Variants in FNBP1 observed in about 807,000 individuals in gnomAD.
FNBP1 encodes formin-binding protein 1.
FNBP1 carries 26 observed loss-of-function variants against 90.6 expected under a neutral mutation model. That is an observed-to-expected ratio of 0.29 (90% CI 0.21 to 0.40). The LOEUF is 0.40. Ranked by LOEUF, FNBP1 falls within the 10% of genes least tolerant of loss-of-function variation. The probability of loss-of-function intolerance (pLI) is 1.00; values close to 1 mark genes in which losing one functional copy is unlikely to be tolerated. For synonymous variants in FNBP1, 260 were observed against 265.2 expected (o/e 0.98, Z 0.19); for missense variants, 635 against 768.0 (o/e 0.83, Z 2.05).
chr9:129,953,129 C>T (rs1304229737), intron 6 of FNBP1, among the ~76,000 whole-genome samples: 1 of 152,122 alleles, frequency 6.6e-6, no homozygotes. Flanking sequence ...GGGTATAAAA[C>T]GAATCTCAAC....
intron 16 of FNBP1, chr9:129,895,269 C>T: frequency 9.4e-7 from 1 of 1,058,464 alleles, no homozygotes; most frequent in Non-Finnish European, 1.1e-6. Context: ...ACTTTTGGTG[C>T]CAATATAAGA....
intron 1 of FNBP1, among the ~76,000 whole-genome samples, chr9:130,020,049 C>G (rs1160234624): frequency 6.6e-6 from 1 of 152,166 alleles, no homozygotes; most frequent in Non-Finnish European, 1.5e-5. Flanking sequence ...AATGTGAATA[C>G]TAAGAAGGAA....
At chr9:130,020,663 T>TA (rs1214904282) in intron 1 of FNBP1, among the ~76,000 whole-genome samples, 1 of 152,162 alleles carries the variant, frequency 6.6e-6, no homozygotes. Flanking sequence ...CAACAAAAGT[T>TA]ACCAATAGAA....
At chr9:130,015,731 T>A (rs561187932) in intron 1 of FNBP1, among the ~76,000 whole-genome samples, 1 of 152,206 alleles carries the variant, frequency 6.6e-6, no homozygotes, top group Non-Finnish European at 1.5e-5. Context: ...CTGGAATGCA[T>A]TGGCACAATT....
At chr9:130,016,969 A>T (rs892821596) in intron 1 of FNBP1, among the ~76,000 whole-genome samples, 11 of 152,134 alleles carry the variant, frequency 7.2e-5, no homozygotes, top group African/African-American at 2.7e-4. Flanking sequence ...CATTTGGCAG[A>T]GCAGGGTGGC....
intron 11 of FNBP1, among the ~76,000 whole-genome samples, chr9:129,910,504 A>AAAAAAAAAAAAG (rs1298095363): frequency 9.6e-5 from 10 of 104,106 alleles, no homozygotes; most frequent in Non-Finnish European, 1.6e-4. Flanking sequence ...AAAAAAAAAA[A>AAAAAAAAAAAAG]AGAGAGAGAG....
intron 4 of FNBP1, among the ~76,000 whole-genome samples, chr9:129,977,614 C>A (rs114886862): frequency 0.025 from 3,803 of 151,912 alleles, 169 homozygotes; most frequent in African/African-American, 0.086. Flanking sequence ...GCTTCAGACC[C>A]CCAAGTAGCT....
intron 4 of FNBP1, among the ~76,000 whole-genome samples, chr9:129,975,844 G>A (rs895342822): frequency 6.7e-6 from 1 of 148,686 alleles, no homozygotes; most frequent in Non-Finnish European, 1.5e-5. Flanking sequence ...TGGAGGTTGT[G>A]GTTAGGCGAG....
chr9:129,996,242 G>A (rs554922955), intron 1 of FNBP1, among the ~76,000 whole-genome samples: 9 of 152,288 alleles, frequency 5.9e-5, no homozygotes, highest in African/African-American at 2.2e-4. Flanking sequence ...GTGAGTAGGT[G>A]GATCTCAAGC....
At chr9:129,976,763 T>C (rs1193784643) in intron 4 of FNBP1, among the ~76,000 whole-genome samples, 3 of 152,216 alleles carry the variant, frequency 2.0e-5, no homozygotes, top group Non-Finnish European at 4.4e-5. Context: ...TTGTGGCAAC[T>C]ACCATAATTG....
chr9:129,989,230 G>A (rs1016406550), intron 2 of FNBP1, among the ~76,000 whole-genome samples: 12 of 152,110 alleles, frequency 7.9e-5, no homozygotes, highest in Admixed American at 2.6e-4. Context: ...TTAAATGCTC[G>A]AATTCTTTGC....
intron 2 of FNBP1, among the ~76,000 whole-genome samples, chr9:129,992,622 T>C (rs1441254466): frequency 6.7e-6 from 1 of 148,942 alleles, no homozygotes; most frequent in African/African-American, 2.5e-5. Flanking sequence ...GGCGCGATCT[T>C]GGCTCATTGC....
chr9:129,967,674 G>A (rs910613182), intron 4 of FNBP1, among the ~76,000 whole-genome samples: 6 of 152,196 alleles, frequency 3.9e-5, no homozygotes, highest in East Asian at 1.9e-4. Context: ...ACAGGTGGCC[G>A]AACAAGAATC....
At chr9:129,905,555 C>A (rs558420010) in intron 12 of FNBP1, among the ~76,000 whole-genome samples, 2 of 152,162 alleles carry the variant, frequency 1.3e-5, no homozygotes, top group South Asian at 2.1e-4. Flanking sequence ...GATGATCCAC[C>A]CACCTCAGTC....
At chr9:129,954,862 G>C (rs2046678113) in intron 6 of FNBP1, among the ~76,000 whole-genome samples, 1 of 152,010 alleles carries the variant, frequency 6.6e-6, no homozygotes, top group Admixed American at 6.6e-5. Context: ...GCTGGGCGTG[G>C]TGACGCCTGT....
chr9:129,923,197 G>GT (rs988999801), intron 10 of FNBP1, among the ~76,000 whole-genome samples: 3 of 151,556 alleles, frequency 2.0e-5, no homozygotes, highest in African/African-American at 4.9e-5. Flanking sequence ...AATCTAAGTG[G>GT]TTTTTTTTGG....
intron 11 of FNBP1, among the ~76,000 whole-genome samples, chr9:129,914,545 A>AAGTTCATACTGCAGATGAACTTGT (rs1358204220): frequency 1.1e-4 from 16 of 151,966 alleles, no homozygotes; most frequent in Admixed American, 1.0e-3. Context: ...AGTTTCTCCC[A>AAGTTCATACTGCAGATGAACTTGT]AGTTCATACT....
rs1005484379 is a variant in FNBP1 at position 129,972,368 on chromosome 9, A to G, written c.345+6097T>C. Among the ~76,000 whole-genome samples the G allele has an allele frequency of 3.3e-5, 5 of 152,136 alleles. No individual in the cohort carries two copies. In the South Asian group the frequency reaches 6.2e-4, roughly 19 times the overall value. On this transcript the variant is annotated intron_variant, in intron 4 of 16. Coordinates refer to ENST00000446176, the MANE Select transcript of FNBP1 (RefSeq NM_015033.3). ...AGGCTGGTTTCGAACTCCTGGTCTC[A>G]AGTGATCCACTCGCCTCGGCCTCCC... is the stretch of plus-strand genomic sequence containing the variant.
intron 15 of FNBP1, among the ~76,000 whole-genome samples, chr9:129,898,024 TTCA>T (rs1361949974): frequency 6.6e-6 from 1 of 151,616 alleles, no homozygotes; most frequent in Non-Finnish European, 1.5e-5. Context: ...GAGACGGGGT[TTCA>T]TCATGTTGGG....
Sources: allele counts gnomAD v4.1 joint callset (sites outside exome capture counted in the v4.1 genomes callset), GRCh38; gene constraint gnomAD v4.1.1; transcripts MANE v1.5; gene names NCBI Gene and HGNC (gene_info 2026-07-23, HGNC 2026-07-21).